ERCC8: variants seen among roughly 807,000 people sequenced by gnomAD.
ERCC8 encodes the protein DNA excision repair protein ERCC-8.
Under a neutral mutation model 54.9 loss-of-function variants are expected in ERCC8, and 52 were observed. That is an observed-to-expected ratio of 0.95 (90% CI 0.76 to 1.19). The LOEUF (loss-of-function observed/expected upper bound fraction) is 1.19, where lower values mean the gene tolerates loss of function less well. Among genes scored for constraint, ERCC8 ranks in the 50% most tolerant of loss-of-function variants. The probability of loss-of-function intolerance (pLI) is 0.00; values close to 1 mark genes in which losing one functional copy is unlikely to be tolerated. For synonymous variants in ERCC8, 146 were observed against 157.2 expected (o/e 0.93, Z 0.53); for missense variants, 514 against 466.1 (o/e 1.10, Z -0.95).
At chr5:60,935,141 G>A (rs923471261) in intron 1 of ERCC8, among the ~76,000 whole-genome samples, 2 of 152,040 alleles carry the variant, frequency 1.3e-5, no homozygotes, top group Non-Finnish European at 1.5e-5. Context: ...GGTTATTTTC[G>A]CAATATTGAT....
chr5:60,909,464 C>G (rs957459149), intron 4 of ERCC8, among the ~76,000 whole-genome samples: 1 of 152,024 alleles, frequency 6.6e-6, no homozygotes. Context: ...AAATCTTACA[C>G]CTTTTGCTAC....
intron 5 of ERCC8, among the ~76,000 whole-genome samples, 154 bp from the exon 6 acceptor site, chr5:60,903,870 A>C (rs1004211155): frequency 6.6e-6 from 1 of 152,222 alleles, no homozygotes; most frequent in East Asian, 1.9e-4. Flanking sequence ...TAATGTTTAC[A>C]TTTAGAAAAG....
chr5:60,870,966 C>A lies in ERCC8; in HGVS notation c.*3649G>T, dbSNP rs559237199. On this transcript the variant is annotated 3_prime_UTR_variant, in exon 12 of 12. Transcript: ENST00000676185. ...CCAGCTGTAACGAATGAATTCCCTACAAAGGGAAAAAAAACCAAAGTGGCT... is the reference window on the plus strand; with the variant it reads ...CCAGCTGTAACGAATGAATTCCCTAAAAAGGGAAAAAAAACCAAAGTGGCT... 1.3e-4 allele frequency among the ~76,000 whole-genome samples: 20 copies of A among 151,882 alleles called. No individual in the cohort carries two copies. The highest frequency in any genetic ancestry group is 9.7e-4 in the East Asian group (5 of 5,170).
At chr5:60,943,453 A>G (rs1295502456) in intron 1 of ERCC8, among the ~76,000 whole-genome samples, 1 of 152,128 alleles carries the variant, frequency 6.6e-6, no homozygotes, top group Non-Finnish European at 1.5e-5. Flanking sequence ...ATATGAATCA[A>G]AATTGACCAA....
chr5:60,925,879 A>G (rs1217630016), intron 2 of ERCC8, among the ~76,000 whole-genome samples: 3 of 152,202 alleles, frequency 2.0e-5, no homozygotes, highest in Non-Finnish European at 4.4e-5. Flanking sequence ...ACTGGAGTAC[A>G]GTGGCATGAT....
intron 9 of ERCC8, among the ~76,000 whole-genome samples, chr5:60,895,925 G>A (rs1748710493): frequency 6.6e-6 from 1 of 152,112 alleles, no homozygotes; most frequent in African/African-American, 2.4e-5. Context: ...CTTTTGTCTT[G>A]TCCTTAGGGT....
intron 1 of ERCC8, among the ~76,000 whole-genome samples, chr5:60,937,026 C>T (rs1750086579): frequency 6.6e-6 from 1 of 152,204 alleles, no homozygotes; most frequent in South Asian, 2.1e-4. Context: ...GAGAGCCAAA[C>T]TGCAGTGATT....
At chr5:60,928,638 A>G (rs1363397570) in intron 2 of ERCC8, among the ~76,000 whole-genome samples, 5 of 152,216 alleles carry the variant, frequency 3.3e-5, no homozygotes. Flanking sequence ...TAATTTAACA[A>G]TAAGTAAATA....
intron 11 of ERCC8, among the ~76,000 whole-genome samples, chr5:60,883,141 A>G (rs892506705): frequency 1.3e-5 from 2 of 152,220 alleles, no homozygotes; most frequent in Non-Finnish European, 2.9e-5. Context: ...ATCATAAATT[A>G]TTTTTGTATG....
intron 4 of ERCC8, among the ~76,000 whole-genome samples, chr5:60,911,125 T>C (rs534600706): frequency 1.6e-4 from 25 of 152,214 alleles, no homozygotes; most frequent in Non-Finnish European, 2.6e-4. Context: ...GTTTGTTACA[T>C]AGGTATATAT....
At position 60,903,919 on chromosome 5, in the gene ERCC8, T is replaced by A. The variant is rs186768425; in HGVS notation, c.482-203A>T. On this transcript the variant is annotated intron_variant, in intron 5 of 11. Transcript: ENST00000676185. ...AGTTATATTTTAGTAGTAAGAGACC[T>A]CTATTATTACATTTATTTTTTATTC... Among the ~76,000 whole-genome samples the A allele has an allele frequency of 2.2e-4, 33 of 152,242 alleles. No homozygotes were observed. In the East Asian group the frequency reaches 5.8e-3, roughly 27 times the overall value.
At chr5:60,934,466 G>T (rs2112540077) in intron 1 of ERCC8, among the ~76,000 whole-genome samples, 1 of 152,244 alleles carries the variant, frequency 6.6e-6, no homozygotes, top group Non-Finnish European at 1.5e-5. Flanking sequence ...TGAATATTCT[G>T]GATATTAGTC....
In ERCC8 at chr5:60,871,884, G is replaced by A. The variant is rs1169486680; in HGVS notation, c.*2731C>T. Among the ~76,000 whole-genome samples, 2 of 152,034 alleles carry A rather than the reference G, an allele frequency of 1.3e-5. No homozygotes were observed. Among genetic ancestry groups the A allele is most frequent in the African/African-American group, 2.4e-5 (1 of 41,390 alleles). On this transcript the variant is annotated 3_prime_UTR_variant, in exon 12 of 12. Transcript: ENST00000676185. ...GACACGATCTTGGCTCAATGCAGCC[G>A]TGACTTTACAGGTTCAAGTGATTCC...
chr5:60,934,430 TTA>T (rs1198881697), intron 1 of ERCC8, among the ~76,000 whole-genome samples: 3 of 152,202 alleles, frequency 2.0e-5, no homozygotes, highest in African/African-American at 7.2e-5. Flanking sequence ...TTGGGATTGT[TTA>T]TCTTTTTCTT....
At position 60,895,811 on chromosome 5, in the gene ERCC8, A is replaced by C. The variant is rs145033374; in HGVS notation, c.843+2465T>G. On this transcript the variant is annotated intron_variant, in intron 9 of 11. Coordinates refer to ENST00000676185, the MANE Select transcript of ERCC8 (RefSeq NM_000082.4). ...GCCTTATTCACATTTGTTTCTCAGG[A>C]CACCTAGTTATAAAACTTATGGTCT... Among the ~76,000 whole-genome samples the C allele has an allele frequency of 3.4e-3, 517 of 152,316 alleles. 3 individuals carry two copies. Among genetic ancestry groups the C allele is most frequent in the Non-Finnish European group, 5.2e-3 (354 of 68,034 alleles).
At chr5:60,898,499 G>T in intron 8 of ERCC8, 99 bp from the exon 9 acceptor site, 2 of 1,375,370 alleles carry the variant, frequency 1.5e-6, no homozygotes, top group Non-Finnish European at 2.0e-6. Flanking sequence ...AACTACTTGA[G>T]TTACTTAAAA....
chr5:60,936,530 G>A (rs1005300975), intron 1 of ERCC8, among the ~76,000 whole-genome samples: 9 of 151,990 alleles, frequency 5.9e-5, no homozygotes, highest in African/African-American at 2.2e-4. Context: ...ATTTATTTCT[G>A]CTCTGATCTT....
At chr5:60,892,103 C>T in intron 9 of ERCC8, 1 of 527,098 alleles carries the variant, frequency 1.9e-6, no homozygotes, top group African/African-American at 1.9e-5. Flanking sequence ...CTCTGCAGTA[C>T]TGGGCAGCAG....
chr5:60,922,138 G>A lies in ERCC8; in HGVS notation c.191C>T (p.Ser64Leu), dbSNP rs1749618225. The change falls in exon 3 of 12, where the codon TCA (serine) becomes TTA (leucine). Residue 64 changes from serine to leucine, a missense_variant. Transcript: ENST00000676185. ...GTCATAAAGTACAATCACACCATCT[G>A]AACCACCTGATAACATGCTGATAAT... ...VEGRYMLSGGSDGVIVLYDLE... is the reference protein window; with the variant it reads ...VEGRYMLSGGLDGVIVLYDLE... 1.2e-6 allele frequency: 2 copies of A among 1,604,360 alleles called. No homozygotes were observed. Among genetic ancestry groups the A allele is most frequent in the African/African-American group, 1.3e-5 (1 of 74,632 alleles).
Sources: gnomAD v4.1 joint callset for allele counts (sites outside exome capture counted in the v4.1 genomes callset) on GRCh38, gnomAD v4.1.1 for gene constraint, MANE v1.5 for transcripts, NCBI Gene and HGNC (gene_info 2026-07-23, HGNC 2026-07-21) for gene names.